The following RBM20 variants were observed in gnomAD, a reference collection of about 807,000 sequenced individuals.
RBM20 encodes the protein RNA-binding protein 20.
In RBM20, 51 loss-of-function variants were observed where a neutral mutation model predicts 110.1. That is an observed-to-expected ratio of 0.46 (90% CI 0.37 to 0.59). The LOEUF (loss-of-function observed/expected upper bound fraction) is 0.59. Ranked by LOEUF, RBM20 falls within the 20% of genes least tolerant of loss-of-function variation. The pLI is 0.00. For missense variants in RBM20, 1,512 were observed against 1,574.9 expected, an observed-to-expected ratio of 0.96 and a Z score of 0.68; for synonymous variants, 589 against 618.2, an observed-to-expected ratio of 0.95 and a Z score of 0.70.
Position 110,837,828 on chromosome 10 carries a change from T to C in RBM20, c.*1850T>C, listed in dbSNP as rs564086823. 1 of 152,296 alleles carries C rather than the reference T, an allele frequency of 6.6e-6. No individual in the cohort carries two copies. The highest frequency in any genetic ancestry group is 2.4e-5 in the African/African-American group (1 of 41,532). 9.4% of individuals were successfully genotyped at this position (152,296 alleles called of 1,614,324 possible). A position where few individuals can be genotyped will look rare whatever the true frequency, so the allele number is the denominator to read the frequency against. ...AAGCACCAGGGGAAAGCAGACCAAC[T>C]TGAACAGATGTGATGCGGAGAGGTT... On this transcript the variant is annotated 3_prime_UTR_variant, in exon 14 of 14. Transcript: ENST00000369519.
At chr10:110,799,000 T>G (rs552785541) in intron 6 of RBM20, among the ~76,000 whole-genome samples, 39 of 152,196 alleles carry the variant, frequency 2.6e-4, no homozygotes, top group Non-Finnish European at 5.6e-4. Flanking sequence ...TGTCTGTGTT[T>G]TATCAGAGCA....
chr10:110,807,264 C>T (rs984723584), intron 7 of RBM20, among the ~76,000 whole-genome samples: 9 of 152,176 alleles, frequency 5.9e-5, no homozygotes, highest in East Asian at 1.9e-4. Flanking sequence ...ACCTGGGATC[C>T]GGATAGAAGT....
chr10:110,649,795 T>A (rs1328012327), intron 1 of RBM20, among the ~76,000 whole-genome samples: 2 of 152,192 alleles, frequency 1.3e-5, no homozygotes, highest in African/African-American at 4.8e-5. Flanking sequence ...TGGTAATTAG[T>A]GGTTTGCAGA....
At chr10:110,653,761 G>T (rs962935391) in intron 1 of RBM20, among the ~76,000 whole-genome samples, 1 of 152,154 alleles carries the variant, frequency 6.6e-6, no homozygotes, top group Non-Finnish European at 1.5e-5. Flanking sequence ...TCACCATGTT[G>T]CCCAGGTTGG....
chr10:110,699,594 C>CA (rs1862726140), intron 1 of RBM20, among the ~76,000 whole-genome samples: 2 of 151,928 alleles, frequency 1.3e-5, no homozygotes, highest in South Asian at 2.1e-4. Flanking sequence ...AAAACAACAA[C>CA]AAAAAACAAA....
At chr10:110,830,626 TAAAC>T (rs1245590940) in intron 12 of RBM20, among the ~76,000 whole-genome samples, 11 of 152,156 alleles carry the variant, frequency 7.2e-5, no homozygotes, top group Admixed American at 2.6e-4. Context: ...AATTCTAAAA[TAAAC>T]AAACAAAAAC....
Position 110,810,669 on chromosome 10 carries a change from A to G in RBM20, c.1880+207A>G, listed in dbSNP as rs547061499. Among the ~76,000 whole-genome samples, 5 of 152,310 alleles carry G rather than the reference A, an allele frequency of 3.3e-5. No individual in the cohort carries two copies. In the South Asian group the frequency reaches 6.2e-4, roughly 19 times the overall value. The stretch of plus-strand genomic sequence containing the variant: ...TGCTGCTCCGGTTAACCTCAGGAAA[A>G]TACAAAATGCTGAGCTTCCCTTCAG... On this transcript the variant is annotated intron_variant, in intron 8 of 13. Coordinates refer to ENST00000369519, the MANE Select transcript of RBM20 (RefSeq NM_001134363.3).
intron 8 of RBM20, among the ~76,000 whole-genome samples, chr10:110,810,829 G>A (rs979583036): frequency 8.1e-6 from 1 of 123,000 alleles, no homozygotes; most frequent in Admixed American, 9.1e-5. Context: ...GTGTGCGTGT[G>A]TGTGTGCATG....
At chr10:110,684,327 G>C (rs1390390130) in intron 1 of RBM20, among the ~76,000 whole-genome samples, 1 of 152,184 alleles carries the variant, frequency 6.6e-6, no homozygotes, top group East Asian at 1.9e-4. Flanking sequence ...CCGGGAGGCA[G>C]AGGTTGCAGT....
At chr10:110,695,428 C>G (rs558524526) in intron 1 of RBM20, among the ~76,000 whole-genome samples, 1 of 152,266 alleles carries the variant, frequency 6.6e-6, no homozygotes, top group African/African-American at 2.4e-5. Context: ...TATTTCAGAG[C>G]AGTGTGTTTG....
At chr10:110,717,568 G>C (rs1229365796) in intron 1 of RBM20, among the ~76,000 whole-genome samples, 1 of 152,108 alleles carries the variant, frequency 6.6e-6, no homozygotes, top group African/African-American at 2.4e-5. Context: ...AGAGAGTGTG[G>C]GCTTTGAAGT....
At chr10:110,654,892 T>C (rs1471559733) in intron 1 of RBM20, among the ~76,000 whole-genome samples, 1 of 152,242 alleles carries the variant, frequency 6.6e-6, no homozygotes, top group Non-Finnish European at 1.5e-5. Context: ...GTGCTTTCTG[T>C]GTGCCAGCCA....
chr10:110,725,272 C>T (rs1442582068), intron 1 of RBM20, among the ~76,000 whole-genome samples: 2 of 152,128 alleles, frequency 1.3e-5, no homozygotes, highest in Admixed American at 6.5e-5. Flanking sequence ...TACTCTGGAG[C>T]GTGCGCTTAT....
At chr10:110,657,727 A>G (rs1243701336) in intron 1 of RBM20, among the ~76,000 whole-genome samples, 1 of 152,148 alleles carries the variant, frequency 6.6e-6, no homozygotes, top group African/African-American at 2.4e-5. Flanking sequence ...CCATCTGTTG[A>G]TGGACATTTA....
intron 13 of RBM20, among the ~76,000 whole-genome samples, chr10:110,834,342 G>A (rs1281403718): frequency 1.3e-5 from 2 of 152,126 alleles, no homozygotes; most frequent in Non-Finnish European, 2.9e-5. Flanking sequence ...ACCCGTTTCT[G>A]GAAGCCAACT....
chr10:110,665,928 C>A (rs887955070), intron 1 of RBM20, among the ~76,000 whole-genome samples: 2 of 149,672 alleles, frequency 1.3e-5, no homozygotes, highest in African/African-American at 4.9e-5. Context: ...CCAGCCTGGA[C>A]AACATGGTGA....
At chr10:110,741,546 A>C (rs1843725343) in intron 1 of RBM20, among the ~76,000 whole-genome samples, 1 of 151,760 alleles carries the variant, frequency 6.6e-6, no homozygotes, top group South Asian at 2.1e-4. Flanking sequence ...CCTCACCTCT[A>C]CCCCATGTCC....
At chr10:110,662,264 T>G (rs1216263339) in intron 1 of RBM20, among the ~76,000 whole-genome samples, 1 of 152,212 alleles carries the variant, frequency 6.6e-6, no homozygotes, top group Non-Finnish European at 1.5e-5. Context: ...GGAAGCCACT[T>G]GCGGTTCACA....
chr10:110,693,337 G>A (rs1027333835), intron 1 of RBM20, among the ~76,000 whole-genome samples: 1 of 152,154 alleles, frequency 6.6e-6, no homozygotes, highest in Non-Finnish European at 1.5e-5. Context: ...AAAGATTGGT[G>A]TTAATTCTTC....
Sources: gnomAD v4.1 joint callset for allele counts (sites outside exome capture counted in the v4.1 genomes callset) on GRCh38, gnomAD v4.1.1 for gene constraint, MANE v1.5 for transcripts, NCBI Gene and HGNC (gene_info 2026-07-23, HGNC 2026-07-21) for gene names.